Variants in DYRK1A observed in about 807,000 individuals in gnomAD.
DYRK1A encodes the protein dual specificity tyrosine-phosphorylation-regulated kinase 1A.
Under a neutral mutation model 79.7 loss-of-function variants are expected in DYRK1A, and 9 were observed. That is an observed-to-expected ratio of 0.11 (90% confidence interval 0.07 to 0.20). The LOEUF is 0.20. Ranked by LOEUF, DYRK1A falls within the 10% of genes least tolerant of loss-of-function variation. DYRK1A has a pLI of 1.00. For synonymous variants in DYRK1A, 349 were observed against 329.7 expected (o/e 1.06, Z -0.63); for missense variants, 622 against 956.0 (o/e 0.65, Z 4.61).
chr21:37,440,130 C>CTTTTTTTTGTTTTTT (rs2051051245), intron 2 of DYRK1A, among the ~76,000 whole-genome samples: 1 of 37,744 alleles, frequency 2.6e-5, no homozygotes, highest in Non-Finnish European at 5.2e-5. Flanking sequence ...TTGTTTGCTC[C>CTTTTTTTTGTTTTTT]TTTTTTTTTT....
intron 1 of DYRK1A, among the ~76,000 whole-genome samples, chr21:37,372,552 C>T (rs1201660256): frequency 6.6e-6 from 1 of 152,118 alleles, no homozygotes; most frequent in Non-Finnish European, 1.5e-5. Context: ...GATCCCCTGC[C>T]CATGAAACCA....
At position 37,521,746 on chromosome 21, in the gene DYRK1A, G is replaced by A. The variant is rs999090563; in HGVS notation, c.*9215G>A. 1 of 152,266 alleles carries A rather than the reference G, an allele frequency of 6.6e-6. No individual in the cohort carries two copies. The highest frequency in any genetic ancestry group is 2.4e-5 in the African/African-American group (1 of 41,450). 9.4% of individuals were successfully genotyped at this position (152,266 alleles called of 1,614,324 possible). On this transcript the variant is annotated 3_prime_UTR_variant, in exon 12 of 12. Coordinates refer to ENST00000647188, the MANE Select transcript of DYRK1A (RefSeq NM_001347721.2). ...AGACAACAGGCCATTCGAAGGTGAG[G>A]AGGCTTGCCAGCATCAGTTTATAAG...
At chr21:37,397,005 A>T (rs2049969970) in intron 1 of DYRK1A, among the ~76,000 whole-genome samples, 1 of 152,134 alleles carries the variant, frequency 6.6e-6, no homozygotes, top group Non-Finnish European at 1.5e-5. Context: ...CCTAGGGTAT[A>T]GTCCTCGTGT....
intron 2 of DYRK1A, among the ~76,000 whole-genome samples, chr21:37,463,506 A>G (rs1254634728): frequency 1.3e-5 from 2 of 151,990 alleles, no homozygotes; most frequent in Admixed American, 1.3e-4. Flanking sequence ...TGATTCAAGA[A>G]CCCCTCATTT....
intron 11 of DYRK1A, among the ~76,000 whole-genome samples, chr21:37,508,513 C>T (rs1421316431): frequency 6.6e-6 from 1 of 152,174 alleles, no homozygotes; most frequent in Non-Finnish European, 1.5e-5. Context: ...TCATGAACTC[C>T]CGACCTCAGG....
Position 37,519,502 on chromosome 21 carries a change from G to A in DYRK1A, c.*6971G>A, listed in dbSNP as rs1203714248. 1 of 152,168 alleles carries A rather than the reference G, an allele frequency of 6.6e-6. No individual in the cohort carries two copies. Among genetic ancestry groups the A allele is most frequent in the East Asian group, 1.9e-4 (1 of 5,194 alleles). 9.4% of individuals were successfully genotyped at this position (152,168 alleles called of 1,614,324 possible). ...AAGTGTCCGATAAATATAATATGCGGCTAAACAGCGGAGTCCACAGCCTGA... is the reference window on the plus strand; with the variant it reads ...AAGTGTCCGATAAATATAATATGCGACTAAACAGCGGAGTCCACAGCCTGA... On this transcript the variant is annotated 3_prime_UTR_variant, in exon 12 of 12. Coordinates refer to ENST00000647188, the MANE Select transcript of DYRK1A (RefSeq NM_001347721.2).
intron 1 of DYRK1A, among the ~76,000 whole-genome samples, chr21:37,413,526 A>G (rs1339655977): frequency 6.6e-6 from 1 of 152,176 alleles, no homozygotes; most frequent in Non-Finnish European, 1.5e-5. Flanking sequence ...TAAGCTAGTT[A>G]TGAGAAGGGC....
intron 2 of DYRK1A, among the ~76,000 whole-genome samples, chr21:37,443,977 A>G (rs1231527448): frequency 1.3e-5 from 2 of 152,204 alleles, no homozygotes; most frequent in African/African-American, 4.8e-5. Flanking sequence ...TTGAGGGGAC[A>G]CAAGTTGACC....
rs1295921534 is a variant in DYRK1A, at chr21:37,513,695, C to G, written c.*1164C>G. ...TGGTATCTCCACCATTTCTTCTGCA[C>G]AAAGATGTCTTCTGTTCATCCTGAA... On this transcript the variant is annotated 3_prime_UTR_variant, in exon 12 of 12. Coordinates refer to ENST00000647188, the MANE Select transcript of DYRK1A (RefSeq NM_001347721.2). The G allele has an allele frequency of 6.6e-6, 1 of 152,588 alleles. No individual in the cohort carries two copies. The highest frequency in any genetic ancestry group is 1.5e-5 in the Non-Finnish European group (1 of 68,040). The allele number at this position is 152,588 out of a possible 1,614,324, so 9.5% of individuals were successfully genotyped here.
At chr21:37,489,480 A>T (rs922135153) in intron 6 of DYRK1A, among the ~76,000 whole-genome samples, 2 of 152,090 alleles carry the variant, frequency 1.3e-5, no homozygotes, top group Non-Finnish European at 2.9e-5. Flanking sequence ...CCTCCTTATC[A>T]TCTCTTCTTG....
chr21:37,463,203 CGTGTGTGTGT>C (rs6147501), intron 2 of DYRK1A, among the ~76,000 whole-genome samples: 4,004 of 145,346 alleles, frequency 0.028, 68 homozygotes, highest in East Asian at 0.075. Flanking sequence ...AATGTTGGCA[CGTGTGTGTGT>C]GTGTGTGTGT....
At chr21:37,394,888 G>T (rs912501517) in intron 1 of DYRK1A, among the ~76,000 whole-genome samples, 2 of 152,154 alleles carry the variant, frequency 1.3e-5, no homozygotes, top group Non-Finnish European at 2.9e-5. Flanking sequence ...TATGTACTTC[G>T]TGAAATCAGT....
At chr21:37,495,772 A>T (rs2053248905) in intron 8 of DYRK1A, among the ~76,000 whole-genome samples, 1 of 152,230 alleles carries the variant, frequency 6.6e-6, no homozygotes, top group Admixed American at 6.5e-5. Context: ...AGCCTGGGTG[A>T]CAGAGACCCT....
rs934465786 is a variant in DYRK1A at position 37,367,493 on chromosome 21, A to T, written c.-212A>T. 1 of 148,288 alleles carries T rather than the reference A, an allele frequency of 6.7e-6. No individual in the cohort carries two copies. Among genetic ancestry groups the T allele is most frequent in the Non-Finnish European group, 1.5e-5 (1 of 66,596 alleles). The allele number at this position is 148,288 out of a possible 1,614,324, so 9.2% of individuals were successfully genotyped here. A position where few individuals can be genotyped will look rare whatever the true frequency, so the allele number is the denominator to read the frequency against. ...AGACTGAGCAGGCTGCGGCGCGGCC[A>T]GGAGCCGGAGCGCCGGGGGCGGAGA... is the stretch of plus-strand genomic sequence containing the variant. On this transcript the variant is annotated 5_prime_UTR_variant, in exon 1 of 12. Coordinates refer to ENST00000647188, the MANE Select transcript of DYRK1A (RefSeq NM_001347721.2).
At chr21:37,479,879 G>A (rs1039989766) in intron 4 of DYRK1A, among the ~76,000 whole-genome samples, 10 of 151,758 alleles carry the variant, frequency 6.6e-5, no homozygotes, top group African/African-American at 1.4e-4. Flanking sequence ...CACCCTCCTC[G>A]GCCTCCCAAA....
chr21:37,386,351 C>T (rs1309797522), intron 1 of DYRK1A, among the ~76,000 whole-genome samples: 2 of 152,148 alleles, frequency 1.3e-5, no homozygotes, highest in East Asian at 3.8e-4. Flanking sequence ...CGAAACTGGT[C>T]CCCGGTGCCA....
chr21:37,401,104 A>G (rs2050044330), intron 1 of DYRK1A, among the ~76,000 whole-genome samples: 1 of 152,168 alleles, frequency 6.6e-6, no homozygotes, highest in Non-Finnish European at 1.5e-5. Flanking sequence ...AGATCGTGCC[A>G]CTGCACTCCA....
chr21:37,454,173 G>T (rs1387685817), intron 2 of DYRK1A, among the ~76,000 whole-genome samples: 2 of 137,174 alleles, frequency 1.5e-5, no homozygotes. Flanking sequence ...GCTCACTGCA[G>T]CCTCGACCTC....
At chr21:37,482,395 G>A (rs2052680162) in intron 5 of DYRK1A, among the ~76,000 whole-genome samples, 1 of 152,090 alleles carries the variant, frequency 6.6e-6, no homozygotes, top group African/African-American at 2.4e-5. Flanking sequence ...ATGTCGGTAG[G>A]TTCTCTGATG....
Sources: allele counts gnomAD v4.1 joint callset (sites outside exome capture counted in the v4.1 genomes callset), GRCh38; gene constraint gnomAD v4.1.1; transcripts MANE v1.5; gene names NCBI Gene and HGNC (gene_info 2026-07-23, HGNC 2026-07-21).